Variants in GJB7 observed in about 807,000 individuals in gnomAD.
GJB7 encodes the protein gap junction beta-7 protein.
For synonymous variants in GJB7, 87 were observed against 95.2 expected, an observed-to-expected ratio of 0.91 and a Z score of 0.50; for missense variants, 253 against 256.8, an observed-to-expected ratio of 0.99 and a Z score of 0.10.
intron 2 of GJB7, among the ~76,000 whole-genome samples, chr6:87,307,100 A>C (rs1776440387): frequency 6.6e-6 from 1 of 151,966 alleles, no homozygotes; most frequent in Admixed American, 6.6e-5. Context: ...GGTGCAGCAC[A>C]CCAGCATGGC....
intron 2 of GJB7, among the ~76,000 whole-genome samples, chr6:87,307,380 C>T (rs1456267874): frequency 1.3e-5 from 2 of 152,024 alleles, no homozygotes; most frequent in African/African-American, 4.8e-5. Flanking sequence ...CAAATGAGAT[C>T]TAATTAAACT....
At position 87,284,417 on chromosome 6, in the gene GJB7, C is replaced by CAG. The variant is rs1467214968; in HGVS notation, c.494_495dup (p.Val166LeufsTer29). The CAG allele has an allele frequency of 4.3e-6, 7 of 1,613,914 alleles. No individual in the cohort carries two copies. The Admixed American group carries it at 8.3e-5, about 19-fold the overall frequency. ...GTGGGTTTGGAGATGAAGCAGTCCACAGTGTTGGGACAAGGCTTCAAATCA... is the reference window on the plus strand; with the variant it reads ...GTGGGTTTGGAGATGAAGCAGTCCACAGAGTGTTGGGACAAGGCTTCAAATCA... On this transcript the variant is annotated frameshift_variant, in exon 3 of 3. Coordinates refer to ENST00000525899, the MANE Select transcript of GJB7 (RefSeq NM_198568.3). LOFTEE classifies it low-confidence loss of function (END_TRUNC).
At chr6:87,320,382 T>C (rs1370660087) in intron 2 of GJB7, among the ~76,000 whole-genome samples, 3 of 152,224 alleles carry the variant, frequency 2.0e-5, no homozygotes, top group Non-Finnish European at 4.4e-5. Flanking sequence ...ATTCGAAACA[T>C]ATTTACCAAA....
intron 2 of GJB7, chr6:87,299,092 C>T (rs1776285110): frequency 2.0e-6 from 1 of 506,500 alleles, no homozygotes. Flanking sequence ...CTGGGGAGGC[C>T]ATCACCAGTG....
chr6:87,328,936 G>A (rs1776917254), intron 1 of GJB7, among the ~76,000 whole-genome samples: 1 of 152,222 alleles, frequency 6.6e-6, no homozygotes. Context: ...CGAACCACGT[G>A]CGGGATATAA....
At position 87,325,097 on chromosome 6, in the gene GJB7, G is replaced by A. The variant is rs1385692835; in HGVS notation, c.-205-2054C>T. Among the ~76,000 whole-genome samples the A allele has an allele frequency of 2.0e-5, 3 of 152,218 alleles. No individual in the cohort carries two copies. In the East Asian group the frequency reaches 5.8e-4, roughly 29 times the overall value. Reference sequence around the variant, plus strand: ...GTTGCTGGTGTATAAGAATGCTTGTGATTTTTGTACATTGATTTTGTATCC... The same window carrying A: ...GTTGCTGGTGTATAAGAATGCTTGTAATTTTTGTACATTGATTTTGTATCC... On this transcript the variant is annotated intron_variant, in intron 1 of 2. Transcript: ENST00000525899.
In GJB7 at chr6:87,283,131, T is replaced by C. The variant is rs1776000869; in HGVS notation, c.*1110A>G. On this transcript the variant is annotated 3_prime_UTR_variant, in exon 3 of 3. Transcript: ENST00000525899. ...ACAAGTGATAAACTTTTAAAACATT[T>C]TTGCACCACTGTAACAACATAGTAC... is the stretch of plus-strand genomic sequence containing the variant. The C allele has an allele frequency of 6.6e-6, 1 of 152,226 alleles. No individual in the cohort carries two copies. The highest frequency in any genetic ancestry group is 1.5e-5 in the Non-Finnish European group (1 of 68,040). The allele number at this position is 152,226 out of a possible 1,614,324, so 9.4% of individuals were successfully genotyped here.
At chr6:87,306,958 G>C (rs907860814) in intron 2 of GJB7, among the ~76,000 whole-genome samples, 1 of 152,056 alleles carries the variant, frequency 6.6e-6, no homozygotes, top group African/African-American at 2.4e-5. Context: ...CTCACTCATA[G>C]GTGGGAATTG....
At position 87,326,210 on chromosome 6, in the gene GJB7, A is replaced by C. The variant is rs534673117; in HGVS notation, c.-206+2928T>G. On this transcript the variant is annotated intron_variant, in intron 1 of 2. Transcript: ENST00000525899. ...CTATCAATTTTGTTGATCCGTTCAA[A>C]AAACCAGCTCCTGGATTCATTAATT... Among the ~76,000 whole-genome samples, 714 of 152,304 alleles carry C rather than the reference A, an allele frequency of 4.7e-3. 5 individuals carry two copies. The highest frequency in any genetic ancestry group is 0.016 in the African/African-American group (667 of 41,562).
chr6:87,313,834 G>C (rs1482283971), intron 2 of GJB7, among the ~76,000 whole-genome samples: 1 of 152,160 alleles, frequency 6.6e-6, no homozygotes, highest in African/African-American at 2.4e-5. Context: ...GAAATTCCCA[G>C]GCCCACTCCA....
At position 87,284,277 on chromosome 6, in the gene GJB7, T is replaced by C. The variant is rs1776018405; in HGVS notation, c.636A>G (p.Gln212=). ...VLKCFIKCCL[Q]KYLKKPQVLS... Reference sequence around the variant, plus strand: ...GGACTTGAGGTTTTTTTAAATATTTTTGGAGACAGCACTTAATAAAGCACT... The same window carrying C: ...GGACTTGAGGTTTTTTTAAATATTTCTGGAGACAGCACTTAATAAAGCACT... The change falls in exon 3 of 3, where the codon CAA becomes CAG. Residue 212 remains glutamine (Q), a synonymous_variant. Transcript: ENST00000525899. 3.1e-6 allele frequency: 5 copies of C among 1,613,842 alleles called. No homozygotes were observed. The highest frequency in any genetic ancestry group is 2.2e-5 in the East Asian group (1 of 44,878).
chr6:87,329,104 C>T (rs73488017), intron 1 of GJB7, 34 bp downstream of exon 1: 11,673 of 153,364 alleles, frequency 0.076, 976 homozygotes, highest in African/African-American at 0.21. Flanking sequence ...CCTCGCCCTG[C>T]TTCGGCTCTC....
At chr6:87,321,684 T>C (rs965879592) in intron 2 of GJB7, among the ~76,000 whole-genome samples, 21 of 152,116 alleles carry the variant, frequency 1.4e-4, no homozygotes, top group African/African-American at 5.1e-4. Flanking sequence ...CTTCTCACAC[T>C]GCTAGAAAGA....
chr6:87,287,507 C>G (rs1776082452), intron 2 of GJB7, among the ~76,000 whole-genome samples: 2 of 152,076 alleles, frequency 1.3e-5, no homozygotes, highest in Admixed American at 6.5e-5. Context: ...TACACAATGC[C>G]CTATTCAGCA....
intron 2 of GJB7, among the ~76,000 whole-genome samples, chr6:87,304,884 T>C (rs1776398502): frequency 6.6e-6 from 1 of 152,172 alleles, no homozygotes; most frequent in Non-Finnish European, 1.5e-5. Flanking sequence ...TGCAAATCAA[T>C]GAACGTAATC....
Position 87,284,940 on chromosome 6 carries a change from C to G in GJB7, c.-27-1G>C, listed in dbSNP as rs1562207338. On this transcript the variant is annotated splice_acceptor_variant, in intron 2 of 2. Transcript: ENST00000525899. LOFTEE classifies it low-confidence loss of function (5UTR_SPLICE). ...CTTAGGCTCAAAAGAAGGCAAGACT[C>G]TGCAAAATAAGACAATTTCATCAGG... is the stretch of plus-strand genomic sequence containing the variant. 3.9e-6 allele frequency: 6 copies of G among 1,555,850 alleles called. No homozygotes were observed. Among genetic ancestry groups the G allele is most frequent in the Non-Finnish European group, 5.3e-6 (6 of 1,139,372 alleles).
intron 1 of GJB7, among the ~76,000 whole-genome samples, chr6:87,325,514 T>C (rs1776796313): frequency 6.7e-6 from 1 of 149,190 alleles, no homozygotes; most frequent in Admixed American, 6.7e-5. Context: ...TCTGCATCTA[T>C]TGAGATAATC....
chr6:87,308,583 A>G (rs555025815), intron 2 of GJB7, among the ~76,000 whole-genome samples: 1 of 152,330 alleles, frequency 6.6e-6, no homozygotes, highest in Non-Finnish European at 1.5e-5. Context: ...TGAAAAGTTT[A>G]AAATATAAAT....
At chr6:87,313,874 G>A (rs1298553572) in intron 2 of GJB7, among the ~76,000 whole-genome samples, 1 of 152,150 alleles carries the variant, frequency 6.6e-6, no homozygotes. Flanking sequence ...CTGAGAATGG[G>A]ATCTTGTAAT....
Sources: allele counts gnomAD v4.1 joint callset (sites outside exome capture counted in the v4.1 genomes callset), GRCh38; gene constraint gnomAD v4.1.1; transcripts MANE v1.5; gene names NCBI Gene and HGNC (gene_info 2026-07-23, HGNC 2026-07-21).